PRKD1: variants seen among roughly 807,000 people sequenced by gnomAD.
The protein encoded by PRKD1 is serine/threonine-protein kinase D1.
A neutral mutation model predicts 95.9 loss-of-function variants in PRKD1; 63 were observed. That is an observed-to-expected ratio of 0.66 (90% CI 0.54 to 0.81). PRKD1 has a LOEUF of 0.81. Ranked by LOEUF, PRKD1 falls within the 30% of genes least tolerant of loss-of-function variation. The pLI is 0.00. For missense variants in PRKD1, 1,048 were observed against 1,165.3 expected, an observed-to-expected ratio of 0.90 and a Z score of 1.47; for synonymous variants, 425 against 423.1, an observed-to-expected ratio of 1.00 and a Z score of -0.05.
chr14:29,643,631 C>T (rs1050465101), intron 4 of PRKD1, among the ~76,000 whole-genome samples: 4 of 152,176 alleles, frequency 2.6e-5, no homozygotes, highest in African/African-American at 9.7e-5. Flanking sequence ...GCCAGCATGT[C>T]TTTAAACATT....
At chr14:29,695,614 A>G (rs1003808058) in intron 2 of PRKD1, among the ~76,000 whole-genome samples, 4 of 152,254 alleles carry the variant, frequency 2.6e-5, no homozygotes, top group African/African-American at 9.6e-5. Flanking sequence ...CAGGTCTGGA[A>G]GAAACTATGA....
At position 29,756,488 on chromosome 14, in the gene PRKD1, G is replaced by C. The variant is rs539696743; in HGVS notation, c.265-30814C>G. ...TTCATCTCTACAATTTAACTTTTAAGAATAAATGCTATGTGTAAAAAAACA... is the reference window on the plus strand; with the variant it reads ...TTCATCTCTACAATTTAACTTTTAACAATAAATGCTATGTGTAAAAAAACA... On this transcript the variant is annotated intron_variant, in intron 1 of 17. Coordinates refer to ENST00000331968, the MANE Select transcript of PRKD1 (RefSeq NM_002742.3). Among the ~76,000 whole-genome samples the C allele has an allele frequency of 3.3e-5, 5 of 152,244 alleles. No homozygotes were observed. In the South Asian group the frequency reaches 1.0e-3, roughly 32 times the overall value.
intron 16 of PRKD1, among the ~76,000 whole-genome samples, chr14:29,587,942 T>C (rs1892992746): frequency 6.6e-6 from 1 of 152,180 alleles, no homozygotes; most frequent in Non-Finnish European, 1.5e-5. Context: ...TCTGATTAAA[T>C]TTCCTGGCAC....
At chr14:29,591,531 G>T (rs906308793) in intron 16 of PRKD1, among the ~76,000 whole-genome samples, 17 of 152,110 alleles carry the variant, frequency 1.1e-4, no homozygotes, top group Non-Finnish European at 1.6e-4. Context: ...AGTTTAAGGG[G>T]GTAGAGCCTG....
intron 4 of PRKD1, among the ~76,000 whole-genome samples, chr14:29,649,191 A>C (rs1881330878): frequency 6.6e-6 from 1 of 152,068 alleles, no homozygotes; most frequent in African/African-American, 2.4e-5. Flanking sequence ...ATTTATTTTA[A>C]TTTCTTGCAG....
chr14:29,636,363 C>A lies in PRKD1; in HGVS notation c.1117G>T (p.Ala373Ser), dbSNP rs201006752. Residue 373 changes from alanine to serine, a missense_variant, in exon 7 of 18, where the codon GCA (alanine) becomes TCA (serine). Transcript: ENST00000331968. ...TCGCCACTGTCGTTCTGGCACTCTGCCATTGCCATCTCTGCATCTTGGACC... is the reference window on the plus strand; with the variant it reads ...TCGCCACTGTCGTTCTGGCACTCTGACATTGCCATCTCTGCATCTTGGACC... ...AMVQDAEMAM[A>S]ECQNDSGEMQ... The A allele has an allele frequency of 1.1e-5, 17 of 1,614,198 alleles. No individual in the cohort carries two copies. The East Asian group carries it at 3.8e-4, about 36-fold the overall frequency.
intron 4 of PRKD1, among the ~76,000 whole-genome samples, chr14:29,646,099 G>A (rs574659787): frequency 6.6e-6 from 1 of 152,228 alleles, no homozygotes; most frequent in African/African-American, 2.4e-5. Context: ...AAGTTCAAAG[G>A]AAAGATAAAC....
At chr14:29,879,290 T>TG (rs1487700268) in intron 1 of PRKD1, among the ~76,000 whole-genome samples, 4 of 152,120 alleles carry the variant, frequency 2.6e-5, no homozygotes, top group Non-Finnish European at 4.4e-5. Context: ...GGGACCGCGG[T>TG]GGGGCGCGGG....
At chr14:29,756,643 T>C (rs2139475532) in intron 1 of PRKD1, among the ~76,000 whole-genome samples, 1 of 152,314 alleles carries the variant, frequency 6.6e-6, no homozygotes, top group African/African-American at 2.4e-5. Context: ...TGGGTACTCA[T>C]GTGTTTTCAG....
At chr14:29,754,462 T>C (rs1887609476) in intron 1 of PRKD1, among the ~76,000 whole-genome samples, 1 of 152,174 alleles carries the variant, frequency 6.6e-6, no homozygotes, top group South Asian at 2.1e-4. Context: ...TTTACAATTT[T>C]AGCTTTCATA....
At chr14:29,778,555 C>G (rs889088860) in intron 1 of PRKD1, among the ~76,000 whole-genome samples, 22 of 152,118 alleles carry the variant, frequency 1.4e-4, no homozygotes, top group Non-Finnish European at 2.9e-4. Flanking sequence ...AGATAAATTC[C>G]TGGACACATA....
intron 1 of PRKD1, among the ~76,000 whole-genome samples, chr14:29,886,137 G>A (rs1893698898): frequency 6.6e-6 from 1 of 152,148 alleles, no homozygotes; most frequent in African/African-American, 2.4e-5. Context: ...AATGACGGAA[G>A]GAGGAAAGAG....
intron 1 of PRKD1, among the ~76,000 whole-genome samples, chr14:29,831,170 C>T (rs2139294899): frequency 6.6e-6 from 1 of 152,220 alleles, no homozygotes; most frequent in South Asian, 2.1e-4. Context: ...TTCATAAATG[C>T]CTCAATACAA....
In PRKD1 at chr14:29,578,356, A is replaced by C; in HGVS notation, c.2439T>G (p.Ile813Met). 6.2e-7 allele frequency: 1 copy of C among 1,606,878 alleles called. No individual in the cohort carries two copies. The highest frequency in any genetic ancestry group is 8.5e-7 in the Non-Finnish European group (1 of 1,176,166). ...NPWKEISHEA[I>M]DLINNLLQVK... is the part of the protein sequence containing the mutation. Reference sequence around the variant, plus strand: ...CTTGCAGCAAATTGTTGATAAGATCAATGGCTGAAAAAAATTACCAGTAAA... The same window carrying C: ...CTTGCAGCAAATTGTTGATAAGATCCATGGCTGAAAAAAATTACCAGTAAA... The change falls in exon 17 of 18, where the codon ATT becomes ATG. Residue 813 changes from isoleucine (I) to methionine (M), a missense_variant. By Grantham distance (10) the Ile-to-Met change is conservative. Transcript: ENST00000331968.
chr14:29,725,755 C>T (rs1272229365), intron 1 of PRKD1, 81 bp from the exon 2 acceptor site: 1 of 1,446,902 alleles, frequency 6.9e-7, no homozygotes, highest in Non-Finnish European at 9.4e-7. Flanking sequence ...GGCACAAATA[C>T]AAGCTAATTA....
intron 1 of PRKD1, among the ~76,000 whole-genome samples, chr14:29,828,906 T>C (rs1323105584): frequency 6.6e-6 from 1 of 152,142 alleles, no homozygotes; most frequent in Admixed American, 6.5e-5. Context: ...GTGGAAATAG[T>C]GGTATGTAAA....
chr14:29,927,104 G>C, intron 1 of PRKD1, 145 bp downstream of exon 1: 1 of 846,336 alleles, frequency 1.2e-6, no homozygotes, highest in Non-Finnish European at 1.5e-6. Flanking sequence ...TCCAGCCGCG[G>C]CGGGGCCAGC....
chr14:29,586,206 T>C (rs143285262), intron 16 of PRKD1, among the ~76,000 whole-genome samples: 1 of 152,254 alleles, frequency 6.6e-6, no homozygotes, highest in Non-Finnish European at 1.5e-5. Context: ...CAGAAAGGTA[T>C]CTAATCATAG....
At chr14:29,717,530 TG>T (rs1885674134) in intron 2 of PRKD1, among the ~76,000 whole-genome samples, 1 of 152,130 alleles carries the variant, frequency 6.6e-6, no homozygotes, top group Non-Finnish European at 1.5e-5. Flanking sequence ...ATTGAAGCTA[TG>T]TGGAGATATA....
Sources: gnomAD v4.1 joint callset for allele counts (sites outside exome capture counted in the v4.1 genomes callset) on GRCh38, gnomAD v4.1.1 for gene constraint, MANE v1.5 for transcripts, NCBI Gene and HGNC (gene_info 2026-07-23, HGNC 2026-07-21) for gene names.